MAP2: variants seen among roughly 807,000 people sequenced by gnomAD.
The protein encoded by MAP2 is microtubule-associated protein 2.
Under a neutral mutation model 137.6 loss-of-function variants are expected in MAP2, and 14 were observed. The observed-to-expected ratio is 0.10, with a 90% CI of 0.07 to 0.16. The LOEUF (loss-of-function observed/expected upper bound fraction) is 0.16. Among genes scored for constraint, MAP2 ranks in the 10% least tolerant of loss-of-function variants. The pLI is 1.00. For synonymous variants in MAP2, 786 were observed against 782.3 expected (o/e 1.00, Z -0.08); for missense variants, 2,088 against 2,191.5 (o/e 0.95, Z 0.94).
intron 2 of MAP2, among the ~76,000 whole-genome samples, chr2:209,553,187 A>G (rs755348626): frequency 4.3e-4 from 66 of 151,990 alleles, no homozygotes; most frequent in Admixed American, 2.1e-3. Context: ...AATTTTTTGT[A>G]TATTTAGTAG....
intron 1 of MAP2, among the ~76,000 whole-genome samples, chr2:209,483,462 T>G (rs907356014): frequency 6.6e-6 from 1 of 152,180 alleles, no homozygotes; most frequent in Non-Finnish European, 1.5e-5. Flanking sequence ...TAGACCCAGC[T>G]AGTCAAGAAG....
Position 209,532,990 on chromosome 2 carries a change from T to G in MAP2, c.-172+25349T>G, listed in dbSNP as rs76617137. Among the ~76,000 whole-genome samples the G allele has an allele frequency of 4.3e-3, 654 of 152,132 alleles. 4 individuals carry two copies. Among genetic ancestry groups the G allele is most frequent in the African/African-American group, 0.015 (625 of 41,522 alleles). On this transcript the variant is annotated intron_variant, in intron 2 of 15. Transcript: ENST00000682079. ...AGCATTCTCCCTTTCAGACCTTTTC[T>G]TTTTTCTTCAAGTGGTCCGCACTGC... is the stretch of plus-strand genomic sequence containing the variant.
chr2:209,524,294 G>T (rs1332947850), intron 2 of MAP2, among the ~76,000 whole-genome samples: 1 of 151,772 alleles, frequency 6.6e-6, no homozygotes, highest in African/African-American at 2.4e-5. Context: ...TTTTTCAACA[G>T]GCAGAAGTAG....
chr2:209,592,530 T>C (rs1248234133), intron 3 of MAP2, among the ~76,000 whole-genome samples: 1 of 152,218 alleles, frequency 6.6e-6, no homozygotes, highest in Admixed American at 6.5e-5. Flanking sequence ...TATATTCACA[T>C]GGTACTTATA....
chr2:209,508,040 G>C (rs1311375906), intron 2 of MAP2, among the ~76,000 whole-genome samples: 2 of 152,018 alleles, frequency 1.3e-5, no homozygotes, highest in Non-Finnish European at 2.9e-5. Flanking sequence ...TATACTCATA[G>C]AGAATATATT....
intron 1 of MAP2, among the ~76,000 whole-genome samples, chr2:209,424,882 TCC>T (rs1692111722): frequency 6.6e-6 from 1 of 152,206 alleles, no homozygotes; most frequent in Admixed American, 6.5e-5. Flanking sequence ...TGGTTAGGCT[TCC>T]ACACAGTCGT....
intron 4 of MAP2, among the ~76,000 whole-genome samples, chr2:209,634,971 G>A (rs2093426939): frequency 6.6e-6 from 1 of 152,154 alleles, no homozygotes; most frequent in Non-Finnish European, 1.5e-5. Flanking sequence ...GCACCTGCCT[G>A]TAGTCCCGGC....
intron 3 of MAP2, among the ~76,000 whole-genome samples, chr2:209,583,300 T>A (rs1318051316): frequency 6.6e-6 from 1 of 152,134 alleles, no homozygotes; most frequent in Non-Finnish European, 1.5e-5. Flanking sequence ...AAGGACTTTA[T>A]TCTTCAAGGA....
At chr2:209,514,809 A>G (rs1326708459) in intron 2 of MAP2, among the ~76,000 whole-genome samples, 1 of 152,142 alleles carries the variant, frequency 6.6e-6, no homozygotes, top group Non-Finnish European at 1.5e-5. Context: ...CTGAGAATAG[A>G]AAAGTATCCA....
chr2:209,664,528 A>G (rs1218711774), intron 5 of MAP2, among the ~76,000 whole-genome samples: 1 of 152,206 alleles, frequency 6.6e-6, no homozygotes, highest in Non-Finnish European at 1.5e-5. Flanking sequence ...CAGCCTGGGC[A>G]ACAGAGTGAG....
At chr2:209,463,536 C>T (rs1376026251) in intron 1 of MAP2, among the ~76,000 whole-genome samples, 2 of 152,054 alleles carry the variant, frequency 1.3e-5, no homozygotes, top group Non-Finnish European at 2.9e-5. Context: ...GAAATCAAGG[C>T]ATGCTTATTA....
At chr2:209,682,483 C>T (rs778951493) in intron 7 of MAP2, among the ~76,000 whole-genome samples, 1 of 151,974 alleles carries the variant, frequency 6.6e-6, no homozygotes, top group Admixed American at 6.6e-5. Flanking sequence ...TAGCGAGACT[C>T]CATCTCAAAA....
chr2:209,612,649 T>C (rs896517843), intron 3 of MAP2, among the ~76,000 whole-genome samples: 1 of 152,186 alleles, frequency 6.6e-6, no homozygotes, highest in African/African-American at 2.4e-5. Flanking sequence ...GCAAGTAATG[T>C]ATTAAATGAA....
chr2:209,551,702 T>G (rs1380852282), intron 2 of MAP2, among the ~76,000 whole-genome samples: 2 of 152,206 alleles, frequency 1.3e-5, no homozygotes, highest in Non-Finnish European at 1.5e-5. Context: ...TACCGAAATG[T>G]TCTCTCTGTG....
intron 2 of MAP2, among the ~76,000 whole-genome samples, chr2:209,522,003 A>G (rs1223653157): frequency 6.6e-6 from 1 of 152,136 alleles, no homozygotes; most frequent in African/African-American, 2.4e-5. Context: ...GTTTTCATAA[A>G]TAAAATTCAA....
At chr2:209,633,343 G>T (rs1181295287) in intron 4 of MAP2, among the ~76,000 whole-genome samples, 1 of 152,110 alleles carries the variant, frequency 6.6e-6, no homozygotes, top group Non-Finnish European at 1.5e-5. Context: ...GCATCTGGTA[G>T]CCTTTTAAAT....
chr2:209,526,293 A>T (rs1186525719), intron 2 of MAP2, among the ~76,000 whole-genome samples: 1 of 152,116 alleles, frequency 6.6e-6, no homozygotes, highest in African/African-American at 2.4e-5. Context: ...AATGCAGAAA[A>T]TTAAGAGTTT....
chr2:209,554,335 GC>G (rs1223172972), intron 2 of MAP2, among the ~76,000 whole-genome samples: 1 of 152,104 alleles, frequency 6.6e-6, no homozygotes, highest in Non-Finnish European at 1.5e-5. Context: ...CACTACTCTG[GC>G]CACAGCGTCC....
intron 2 of MAP2, among the ~76,000 whole-genome samples, chr2:209,520,238 A>T (rs2063085110): frequency 6.6e-6 from 1 of 152,058 alleles, no homozygotes; most frequent in African/African-American, 2.4e-5. Context: ...AGATCAGGAG[A>T]TTACTAAAGA....
Sources: gnomAD v4.1 joint callset for allele counts (sites outside exome capture counted in the v4.1 genomes callset) on GRCh38, gnomAD v4.1.1 for gene constraint, MANE v1.5 for transcripts, NCBI Gene and HGNC (gene_info 2026-07-23, HGNC 2026-07-21) for gene names.